The following HERC3 variants were observed in gnomAD, a reference collection of about 807,000 sequenced individuals.
HERC3 encodes probable E3 ubiquitin-protein ligase HERC3.
HERC3 carries 58 observed loss-of-function variants against 129.9 expected under a neutral mutation model. That is an observed-to-expected ratio of 0.45 (90% CI 0.36 to 0.56). HERC3 has a LOEUF of 0.56. Ranked by LOEUF, HERC3 falls within the 20% of genes least tolerant of loss-of-function variation. The probability of loss-of-function intolerance (pLI) is 0.00; values close to 1 mark genes in which losing one functional copy is unlikely to be tolerated. For missense variants in HERC3, 835 were observed against 1,244.2 expected (o/e 0.67, Z 4.95); for synonymous variants, 430 against 451.0 (o/e 0.95, Z 0.59).
chr4:88,591,095 G>A (rs550341515), upstream of HERC3, among the ~76,000 whole-genome samples: 4 of 152,090 alleles, frequency 2.6e-5, no homozygotes, highest in East Asian at 7.7e-4. Flanking sequence ...GTTTCACCAT[G>A]TTGGCCAGGC....
chr4:88,659,493 C>T lies in HERC3; in HGVS notation c.1146+1002C>T, dbSNP rs187994505. 5.5e-4 allele frequency among the ~76,000 whole-genome samples: 83 copies of T among 152,286 alleles called. No individual in the cohort carries two copies. The East Asian group carries it at 0.011, about 21-fold the overall frequency. ...GAGGCTGTAGGCTGGACAGCTAAAG[C>T]TGATGATTAGCTATTTTCCAGGTCA... On this transcript the variant is annotated intron_variant, in intron 10 of 25. Coordinates refer to ENST00000402738, the MANE Select transcript of HERC3 (RefSeq NM_014606.3).
At chr4:88,594,623 G>T (rs995169072) in intron 1 of HERC3, among the ~76,000 whole-genome samples, 1 of 152,132 alleles carries the variant, frequency 6.6e-6, no homozygotes, top group Non-Finnish European at 1.5e-5. Flanking sequence ...TTGCCATGTT[G>T]CTCAGGCTGA....
At chr4:88,613,217 A>G (rs1189694118) in intron 3 of HERC3, among the ~76,000 whole-genome samples, 1 of 152,218 alleles carries the variant, frequency 6.6e-6, no homozygotes, top group Non-Finnish European at 1.5e-5. Context: ...TTCTCTGTAG[A>G]CATACCAGGA....
intron 23 of HERC3, chr4:88,697,179 C>A: frequency 8.9e-6 from 13 of 1,467,026 alleles, no homozygotes; most frequent in Non-Finnish European, 1.1e-5. Context: ...TCTTCGTGGG[C>A]TTTCTCTTCA....
intron 23 of HERC3, chr4:88,693,662 G>A (rs1007500967): frequency 8.1e-6 from 8 of 982,876 alleles, no homozygotes; most frequent in Non-Finnish European, 9.7e-6. Context: ...GTGTGTACAT[G>A]TGTGTATATG....
chr4:88,644,567 GAGAAA>G (rs1728493871), intron 3 of HERC3, among the ~76,000 whole-genome samples: 2 of 152,154 alleles, frequency 1.3e-5, no homozygotes, highest in Non-Finnish European at 2.9e-5. Context: ...ACTATAGTGA[GAGAAA>G]ACAGATTGTT....
chr4:88,682,645 C>T (rs1560759076), intron 21 of HERC3, among the ~76,000 whole-genome samples: 1 of 152,136 alleles, frequency 6.6e-6, no homozygotes, highest in Non-Finnish European at 1.5e-5. Flanking sequence ...CTACAAAGGA[C>T]ATGAACTCAT....
chr4:88,575,211 T>C, the HERC3 span, among the ~76,000 whole-genome samples: 5 of 152,262 alleles, frequency 3.3e-5, no homozygotes, highest in Non-Finnish European at 5.9e-5. Flanking sequence ...CCAGTGAATA[T>C]ACACTTCTGT....
chr4:88,676,490 A>T (rs917576101), intron 18 of HERC3, 67 bp downstream of exon 18: 3 of 1,125,268 alleles, frequency 2.7e-6, no homozygotes, highest in Admixed American at 4.0e-5. Context: ...TTCAGTTGTA[A>T]TTTTTTCTAG....
At chr4:88,616,841 C>T (rs1188777910) in intron 3 of HERC3, among the ~76,000 whole-genome samples, 2 of 152,084 alleles carry the variant, frequency 1.3e-5, no homozygotes, top group South Asian at 4.1e-4. Flanking sequence ...ACAGTTGCCT[C>T]ATGTGTTTCC....
the HERC3 span, among the ~76,000 whole-genome samples, chr4:88,546,841 T>A: frequency 2.0e-4 from 31 of 152,148 alleles, no homozygotes; most frequent in African/African-American, 7.0e-4. Context: ...TGTCATAGAG[T>A]TTCAGAAATA....
At chr4:88,618,679 C>A (rs1725184570) in intron 3 of HERC3, among the ~76,000 whole-genome samples, 1 of 152,204 alleles carries the variant, frequency 6.6e-6, no homozygotes, top group Non-Finnish European at 1.5e-5. Flanking sequence ...GGTACCAGTA[C>A]ATTCCACCTA....
intron 7 of HERC3, among the ~76,000 whole-genome samples, chr4:88,654,349 CATATATAT>C (rs869126362): frequency 2.6e-3 from 184 of 70,942 alleles, no homozygotes; most frequent in East Asian, 3.7e-3. Context: ...GTAGATTTTT[CATATATAT>C]ATATATATAT....
the HERC3 span, among the ~76,000 whole-genome samples, chr4:88,531,983 A>G: frequency 6.6e-6 from 1 of 152,152 alleles, no homozygotes; most frequent in Non-Finnish European, 1.5e-5. Flanking sequence ...TTTTCCAGCC[A>G]TTTTAATGAA....
At chr4:88,621,876 G>A (rs928533288) in intron 3 of HERC3, among the ~76,000 whole-genome samples, 2 of 152,190 alleles carry the variant, frequency 1.3e-5, no homozygotes, top group Admixed American at 6.5e-5. Context: ...TAGAAGCAAT[G>A]TGACTATATC....
At chr4:88,686,644 T>C in intron 21 of HERC3, 92 bp from the exon 22 acceptor site, 1 of 786,860 alleles carries the variant, frequency 1.3e-6, no homozygotes, top group African/African-American at 1.7e-5. Context: ...TAGTTTTTCC[T>C]TGGAAATGGT....
intron 11 of HERC3, 114 bp downstream of exon 11, chr4:88,662,669 A>G (rs774738455): frequency 1.2e-5 from 13 of 1,109,620 alleles, no homozygotes; most frequent in African/African-American, 1.6e-5. Context: ...GGGGTTTTAC[A>G]TTATAGGGAA....
At chr4:88,532,002 C>T in the HERC3 span, among the ~76,000 whole-genome samples, 1 of 152,154 alleles carries the variant, frequency 6.6e-6, no homozygotes, top group Non-Finnish European at 1.5e-5. Flanking sequence ...AATTTATAAA[C>T]ACATAGTTCT....
intron 3 of HERC3, among the ~76,000 whole-genome samples, chr4:88,637,202 G>T (rs1289670167): frequency 6.6e-6 from 1 of 152,004 alleles, no homozygotes; most frequent in Non-Finnish European, 1.5e-5. Flanking sequence ...GAGGCAAGTG[G>T]ATCATGAGGT....
Sources: gnomAD v4.1 joint callset for allele counts (sites outside exome capture counted in the v4.1 genomes callset) on GRCh38, gnomAD v4.1.1 for gene constraint, MANE v1.5 for transcripts, NCBI Gene and HGNC (gene_info 2026-07-23, HGNC 2026-07-21) for gene names.